LARGE1: variants seen among roughly 807,000 people sequenced by gnomAD.
LARGE1 encodes LARGE xylosyl- and glucuronyltransferase 1.
In LARGE1, 43 loss-of-function variants were observed where a neutral mutation model predicts 87.6. The observed-to-expected ratio is 0.49, with a 90% CI of 0.38 to 0.63. LARGE1 has a LOEUF of 0.63. LARGE1 is among the 30% of genes least tolerant of loss of function. The probability of loss-of-function intolerance (pLI) is 0.00; values close to 1 mark genes in which losing one functional copy is unlikely to be tolerated. For synonymous variants in LARGE1, 434 were observed against 394.6 expected (o/e 1.10, Z -1.18); for missense variants, 802 against 1,000.2 (o/e 0.80, Z 2.67).
At chr22:33,163,977 C>T (rs796815273) in exon 12 of LARGE1, 3 of 152,318 alleles carry the variant, frequency 2.0e-5, no homozygotes, top group African/African-American at 4.8e-5. Context: ...AAAACCTCTA[C>T]GTCAGCAGAA....
rs1032179384 is a variant in LARGE1, at chr22:33,877,918, T to A, written c.-83+42077A>T. Among the ~76,000 whole-genome samples the A allele has an allele frequency of 9.3e-5, 14 of 151,336 alleles. 1 individual carries two copies. The South Asian group carries it at 2.9e-3, about 32-fold the overall frequency. ...GCCTGAGCAACAGAGCGAGACTCTG[T>A]CTCAAAAAAATAATAATAATAATAA... On this transcript the variant is annotated intron_variant, in intron 1 of 14. Transcript: ENST00000397394.
At chr22:33,503,938 G>A (rs1274965186) in intron 6 of LARGE1, among the ~76,000 whole-genome samples, 2 of 152,204 alleles carry the variant, frequency 1.3e-5, no homozygotes, top group Admixed American at 6.5e-5. Context: ...GAATATTATT[G>A]TGGCATAAAA....
intron 12 of LARGE1, among the ~76,000 whole-genome samples, chr22:33,284,870 CG>C (rs1291619880): frequency 6.6e-6 from 1 of 152,102 alleles, no homozygotes; most frequent in Non-Finnish European, 1.5e-5. Context: ...CCACTGCGCC[CG>C]GCCAGCATGA....
chr22:33,412,508 T>C (rs906467837), intron 7 of LARGE1, among the ~76,000 whole-genome samples: 4 of 152,234 alleles, frequency 2.6e-5, no homozygotes, highest in South Asian at 2.1e-4. Flanking sequence ...ATTCCCGCCA[T>C]ACAGACATGG....
At chr22:33,553,702 T>C (rs2148711157) in intron 6 of LARGE1, among the ~76,000 whole-genome samples, 1 of 152,052 alleles carries the variant, frequency 6.6e-6, no homozygotes, top group East Asian at 1.9e-4. Context: ...AGGTTTAGAG[T>C]TGAGCAACAC....
chr22:33,842,806 C>T (rs373672034), intron 1 of LARGE1, among the ~76,000 whole-genome samples: 1 of 152,082 alleles, frequency 6.6e-6, no homozygotes, highest in African/African-American at 2.4e-5. Context: ...AGCCACATGC[C>T]GCTAATGGCT....
At chr22:33,723,206 C>A (rs1445900429) in intron 2 of LARGE1, among the ~76,000 whole-genome samples, 1 of 152,162 alleles carries the variant, frequency 6.6e-6, no homozygotes, top group Non-Finnish European at 1.5e-5. Flanking sequence ...AGAGAAGTTT[C>A]TAGTTTAAAA....
chr22:33,239,491 CT>C (rs1357093112), intron 11 of LARGE1, among the ~76,000 whole-genome samples: 3 of 145,256 alleles, frequency 2.1e-5, no homozygotes, highest in African/African-American at 7.6e-5. Flanking sequence ...TGTGAATTAT[CT>C]TTTCACATCT....
At chr22:33,647,590 C>T (rs530382584) in intron 3 of LARGE1, among the ~76,000 whole-genome samples, 78 of 152,296 alleles carry the variant, frequency 5.1e-4, no homozygotes, top group African/African-American at 1.7e-3. Context: ...GGCCTCCAGA[C>T]ATCTTAAACA....
intron 6 of LARGE1, among the ~76,000 whole-genome samples, chr22:33,439,171 G>A (rs1263995245): frequency 3.3e-5 from 5 of 149,300 alleles, no homozygotes; most frequent in South Asian, 2.1e-4. Flanking sequence ...CCGAGACTGC[G>A]CCACTGCACT....
At chr22:33,579,713 A>C (rs550055203) in intron 5 of LARGE1, among the ~76,000 whole-genome samples, 2 of 152,254 alleles carry the variant, frequency 1.3e-5, no homozygotes, top group Non-Finnish European at 2.9e-5. Flanking sequence ...AAGCCATGCT[A>C]AAGTGTCATC....
At chr22:33,869,907 G>A (rs1011682814) in intron 1 of LARGE1, among the ~76,000 whole-genome samples, 1 of 152,200 alleles carries the variant, frequency 6.6e-6, no homozygotes, top group Non-Finnish European at 1.5e-5. Flanking sequence ...TGATGTTGAA[G>A]GCACTGTTTT....
At chr22:33,390,356 G>A (rs12628963) in intron 7 of LARGE1, among the ~76,000 whole-genome samples, 1 of 152,054 alleles carries the variant, frequency 6.6e-6, no homozygotes, top group Non-Finnish European at 1.5e-5. Flanking sequence ...AGTTTGCATC[G>A]ATGTGGGAAC....
intron 2 of LARGE1, among the ~76,000 whole-genome samples, chr22:33,663,303 G>A (rs545589088): frequency 1.5e-4 from 23 of 152,240 alleles, no homozygotes; most frequent in Admixed American, 3.9e-4. Flanking sequence ...GTCAAAACCC[G>A]CCATCTCTAC....
intron 6 of LARGE1, among the ~76,000 whole-genome samples, chr22:33,439,363 T>G (rs1266041270): frequency 2.0e-5 from 3 of 152,180 alleles, no homozygotes; most frequent in African/African-American, 4.8e-5. Flanking sequence ...GTGCATAGAC[T>G]GGACTCTGCA....
intron 5 of LARGE1, among the ~76,000 whole-genome samples, chr22:33,582,356 T>C (rs1332811434): frequency 6.6e-6 from 1 of 151,642 alleles, no homozygotes; most frequent in Non-Finnish European, 1.5e-5. Flanking sequence ...AGTTTTGACC[T>C]AATGGAAAAC....
chr22:33,176,991 G>C (rs142185254), intron 11 of LARGE1, among the ~76,000 whole-genome samples: 4,009 of 152,244 alleles, frequency 0.026, 182 homozygotes, highest in African/African-American at 0.092. Context: ...AAAAGGATGA[G>C]TTCATGTCCT....
chr22:33,237,769 G>C (rs1480251870), intron 11 of LARGE1, among the ~76,000 whole-genome samples: 1 of 152,206 alleles, frequency 6.6e-6, no homozygotes, highest in Admixed American at 6.5e-5. Context: ...TTGTTGGAAA[G>C]AGATATCCAG....
intron 1 of LARGE1, among the ~76,000 whole-genome samples, chr22:33,865,879 C>A (rs1324134734): frequency 1.1e-5 from 1 of 94,472 alleles, no homozygotes; most frequent in African/African-American, 4.7e-5. Context: ...GACAGGGTCT[C>A]GCTCTGTCAT....
Sources: allele counts gnomAD v4.1 joint callset (sites outside exome capture counted in the v4.1 genomes callset), GRCh38; gene constraint gnomAD v4.1.1; transcripts MANE v1.5; gene names NCBI Gene and HGNC (gene_info 2026-07-23, HGNC 2026-07-21).